TMEM266: variants seen among roughly 807,000 people sequenced by gnomAD.
The protein encoded by TMEM266 is transmembrane protein 266, also known as Hv1 related protein 1.
TMEM266 carries 33 observed loss-of-function variants against 50.5 expected under a neutral mutation model. The observed-to-expected ratio is 0.65, with a 90% confidence interval of 0.50 to 0.87. The LOEUF is 0.87. TMEM266 is among the 40% of genes least tolerant of loss of function. The pLI is 0.00. For synonymous variants in TMEM266, 310 were observed against 292.3 expected, an observed-to-expected ratio of 1.06 and a Z score of -0.62; for missense variants, 655 against 695.1, an observed-to-expected ratio of 0.94 and a Z score of 0.65.
intron 1 of TMEM266, chr15:76,109,076 A>T (rs1400696729): frequency 6.6e-6 from 1 of 152,174 alleles, no homozygotes; most frequent in Non-Finnish European, 1.5e-5. Flanking sequence ...GGACCGGGTC[A>T]CCTGAGAAGA....
chr15:76,130,717 T>G (rs1287655488), intron 1 of TMEM266, among the ~76,000 whole-genome samples: 4 of 152,220 alleles, frequency 2.6e-5, no homozygotes, highest in Non-Finnish European at 5.9e-5. Flanking sequence ...AGAGAAAAGA[T>G]TGCCCATGAG....
At chr15:76,140,120 G>T (rs1441716256) in intron 3 of TMEM266, among the ~76,000 whole-genome samples, 1 of 152,240 alleles carries the variant, frequency 6.6e-6, no homozygotes, top group Non-Finnish European at 1.5e-5. Flanking sequence ...CCTTTGATTT[G>T]ATTTGAATCT....
At position 76,156,768 on chromosome 15, in the gene TMEM266, A is replaced by G; in HGVS notation, c.382+10A>G. Reference sequence around the variant, plus strand: ...ATAAAGCTTCTCCAGTGTGAGTAGCAAGAGAGATACATATGCCAATACATA... The same window carrying G: ...ATAAAGCTTCTCCAGTGTGAGTAGCGAGAGAGATACATATGCCAATACATA... On this transcript the variant is annotated intron_variant, in intron 4 of 10. Transcript: ENST00000388942. 1 of 1,612,368 alleles carries G rather than the reference A, an allele frequency of 6.2e-7. No homozygotes were observed. The highest frequency in any genetic ancestry group is 8.5e-7 in the Non-Finnish European group (1 of 1,178,578).
chr15:76,163,926 G>T (rs1029823242), intron 5 of TMEM266, among the ~76,000 whole-genome samples: 1 of 152,150 alleles, frequency 6.6e-6, no homozygotes, highest in Non-Finnish European at 1.5e-5. Flanking sequence ...TTTTACAGTG[G>T]ACAATTCCGT....
rs1033653364 is a variant in TMEM266 at position 76,160,748 on chromosome 15, CAG to C, written c.456+581_456+582del. The stretch of plus-strand genomic sequence containing the variant: ...AGGCTGTATTTCCGAGGTGGGGGCT[CAG>C]GGAGCACGGATCGCCGTCAGCGTTG... On this transcript the variant is annotated intron_variant, in intron 5 of 10. Coordinates refer to ENST00000388942, the MANE Select transcript of TMEM266 (RefSeq NM_152335.3). The surrounding 1 kb of genome is among the most constrained non-coding windows in gnomAD (Gnocchi z 5.7). Among the ~76,000 whole-genome samples the C allele has an allele frequency of 2.6e-5, 4 of 152,248 alleles. No homozygotes were observed. Among genetic ancestry groups the C allele is most frequent in the African/African-American group, 9.6e-5 (4 of 41,542 alleles).
intron 1 of TMEM266, among the ~76,000 whole-genome samples, chr15:76,061,153 G>A (rs996027301): frequency 1.3e-5 from 2 of 152,160 alleles, no homozygotes; most frequent in African/African-American, 4.8e-5. Context: ...AATAGTAAGA[G>A]CTAGAAGCAA....
In TMEM266 at chr15:76,171,091, C is replaced by T; in HGVS notation, c.612C>T (p.Ile204=). The T allele has an allele frequency of 1.2e-6, 2 of 1,613,666 alleles. No individual in the cohort carries two copies. The highest frequency in any genetic ancestry group is 1.7e-6 in the Non-Finnish European group (2 of 1,179,790). The stretch of plus-strand genomic sequence containing the variant: ...GCCCCTGGGACGCCATCAGCCTCAT[C>T]ATCATGCTCCGGATCTGGAGGGTGA... The change falls in exon 7 of 11, where the codon ATC becomes ATT. Residue 204 remains isoleucine, a synonymous_variant. Coordinates refer to ENST00000388942, the MANE Select transcript of TMEM266 (RefSeq NM_152335.3).
intron 1 of TMEM266, among the ~76,000 whole-genome samples, chr15:76,062,131 T>G (rs2036315430): frequency 6.6e-6 from 1 of 152,154 alleles, no homozygotes; most frequent in Non-Finnish European, 1.5e-5. Flanking sequence ...TCAGTGAAAA[T>G]TCACCCAGTG....
At chr15:76,123,437 A>G (rs973127437) in intron 1 of TMEM266, among the ~76,000 whole-genome samples, 1 of 152,160 alleles carries the variant, frequency 6.6e-6, no homozygotes, top group Admixed American at 6.5e-5. Flanking sequence ...TGATGTTAGA[A>G]CTGAACCTCA....
In TMEM266 at chr15:76,068,128, C is replaced by A. The variant is rs547980406; in HGVS notation, c.-97+8112C>A. 1.6e-4 allele frequency among the ~76,000 whole-genome samples: 24 copies of A among 152,292 alleles called. No homozygotes were observed. The East Asian group carries it at 4.6e-3, about 29-fold the overall frequency. ...ATTGACAGTCATCATTATGTTCTTT[C>A]TAAATGCAGTAGCAGAAATTGCATG... On this transcript the variant is annotated intron_variant, in intron 1 of 10. Coordinates refer to ENST00000388942, the MANE Select transcript of TMEM266 (RefSeq NM_152335.3).
chr15:76,129,858 C>A (rs576021813), intron 1 of TMEM266, among the ~76,000 whole-genome samples: 33 of 151,990 alleles, frequency 2.2e-4, no homozygotes, highest in Admixed American at 3.9e-4. Context: ...GCTCCTGATT[C>A]AACAAACCTT....
At chr15:76,163,455 T>C (rs929241523) in intron 5 of TMEM266, among the ~76,000 whole-genome samples, 5 of 152,216 alleles carry the variant, frequency 3.3e-5, no homozygotes, top group Admixed American at 2.6e-4. Flanking sequence ...TGGATGCCCA[T>C]GAGACTTCCT....
chr15:76,086,934 G>C (rs1049065092), intron 1 of TMEM266, among the ~76,000 whole-genome samples: 2 of 146,832 alleles, frequency 1.4e-5, no homozygotes, highest in Non-Finnish European at 2.9e-5. Flanking sequence ...AGGTCGGGGG[G>C]GGGGCGGTGG....
At chr15:76,179,514 A>G (rs2038362031) in intron 8 of TMEM266, among the ~76,000 whole-genome samples, 1 of 152,132 alleles carries the variant, frequency 6.6e-6, no homozygotes. Flanking sequence ...CATCACGTTG[A>G]GCCTCCTTTT....
chr15:76,079,280 G>T (rs2036649382), intron 1 of TMEM266, among the ~76,000 whole-genome samples: 2 of 150,610 alleles, frequency 1.3e-5, no homozygotes, highest in Admixed American at 6.6e-5. Context: ...TTGAACCCCA[G>T]AGGCAGAGGT....
chr15:76,129,460 G>A (rs2037471722), intron 1 of TMEM266, among the ~76,000 whole-genome samples: 1 of 151,940 alleles, frequency 6.6e-6, no homozygotes, highest in Non-Finnish European at 1.5e-5. Flanking sequence ...TGGCCAACAT[G>A]GAGAAGCCCC....
chr15:76,099,271 G>A (rs893867248), intron 1 of TMEM266, among the ~76,000 whole-genome samples: 2 of 152,230 alleles, frequency 1.3e-5, no homozygotes, highest in African/African-American at 2.4e-5. Context: ...GACAAGTGCA[G>A]TATCTGTGCT....
intron 8 of TMEM266, 189 bp from the exon 9 acceptor site, chr15:76,191,779 C>A: frequency 1.8e-6 from 1 of 551,252 alleles, no homozygotes; most frequent in Non-Finnish European, 3.1e-6. Flanking sequence ...TTGGAAAAGG[C>A]TCCGCAACCG....
At chr15:76,194,470 G>C (rs1002949268) in intron 9 of TMEM266, among the ~76,000 whole-genome samples, 1 of 152,184 alleles carries the variant, frequency 6.6e-6, no homozygotes, top group African/African-American at 2.4e-5. Flanking sequence ...TGTCCCTCAG[G>C]AGAAAGCCCA....
Sources: gnomAD v4.1 joint callset for allele counts (sites outside exome capture counted in the v4.1 genomes callset) on GRCh38, gnomAD v4.1.1 for gene constraint, Gnocchi (gnomAD v3.1) non-coding constraint, MANE v1.5 for transcripts, NCBI Gene and HGNC (gene_info 2026-07-23, HGNC 2026-07-21) for gene names.